Variants in ABCC1 observed in about 807,000 individuals in gnomAD.
ABCC1 encodes multidrug resistance-associated protein 1.
In ABCC1, 83 loss-of-function variants were observed where a neutral mutation model predicts 172.9. The ratio of observed to expected loss-of-function variants is 0.48; its 90% CI spans 0.40 to 0.58. ABCC1 has a LOEUF of 0.58. Among genes scored for constraint, ABCC1 ranks in the 20% least tolerant of loss-of-function variants. The pLI is 0.00. For missense variants in ABCC1, 1,817 were observed against 2,002.7 expected, an observed-to-expected ratio of 0.91 and a Z score of 1.77; for synonymous variants, 937 against 825.2, an observed-to-expected ratio of 1.14 and a Z score of -2.32.
chr16:16,017,333 C>G (rs1450932128), intron 5 of ABCC1, among the ~76,000 whole-genome samples: 1 of 152,086 alleles, frequency 6.6e-6, no homozygotes, highest in Admixed American at 6.6e-5. Context: ...TGGGCTCAAG[C>G]AATCTTCCTA....
chr16:16,091,026 G>A (rs1367279368), intron 19 of ABCC1, among the ~76,000 whole-genome samples: 1 of 152,088 alleles, frequency 6.6e-6, no homozygotes, highest in Admixed American at 6.6e-5. Flanking sequence ...TGGCAGGCTC[G>A]GGTTGGTGAC....
intron 15 of ABCC1, among the ~76,000 whole-genome samples, chr16:16,078,258 C>T (rs913850305): frequency 2.0e-5 from 3 of 152,174 alleles, no homozygotes; most frequent in Non-Finnish European, 2.9e-5. Flanking sequence ...ATGTGCCCTC[C>T]CTTCCCTGGG....
At chr16:16,008,317 G>A (rs924885025) in intron 2 of ABCC1, among the ~76,000 whole-genome samples, 2 of 151,630 alleles carry the variant, frequency 1.3e-5, no homozygotes, top group African/African-American at 2.4e-5. Context: ...TTACTGAGCC[G>A]ATCTCCTTTT....
rs58497068 is a variant in ABCC1 at position 16,080,102 on chromosome 16, C to T, written c.2115+624C>T. On this transcript the variant is annotated intron_variant, in intron 16 of 30. Transcript: ENST00000399410. ...TGCTGGGATTGCAGGTGTGAGCCAC[C>T]GCATTTGGCCACTTAAGAAATACTT... is the stretch of plus-strand genomic sequence containing the variant. Among the ~76,000 whole-genome samples the T allele has an allele frequency of 5.7e-3, 864 of 152,128 alleles. 10 individuals carry two copies. Among genetic ancestry groups the T allele is most frequent in the African/African-American group, 0.02 (838 of 41,502 alleles).
chr16:16,069,211 A>AATAAATAAATAT (rs1168834676), intron 13 of ABCC1, among the ~76,000 whole-genome samples: 3 of 127,542 alleles, frequency 2.4e-5, no homozygotes, highest in East Asian at 2.3e-4. Flanking sequence ...TAAATAAATA[A>AATAAATAAATAT]ATATGTTTGA....
chr16:15,955,228 C>T (rs990745422), intron 1 of ABCC1, among the ~76,000 whole-genome samples: 3 of 152,060 alleles, frequency 2.0e-5, no homozygotes, highest in Non-Finnish European at 4.4e-5. Context: ...TGGTGGTGGG[C>T]GCCTGTAATC....
At chr16:16,076,913 C>T (rs1405216615) in intron 15 of ABCC1, among the ~76,000 whole-genome samples, 5 of 152,170 alleles carry the variant, frequency 3.3e-5, no homozygotes, top group East Asian at 3.9e-4. Context: ...GTGAGGCAAT[C>T]GCTATGCCTT....
chr16:15,991,796 T>C (rs12924026), intron 1 of ABCC1, among the ~76,000 whole-genome samples: 16,806 of 152,168 alleles, frequency 0.11, 1,004 homozygotes, highest in Middle Eastern at 0.15. Flanking sequence ...CCTTGAACCA[T>C]GCTTCTCTGT....
At chr16:16,028,555 C>T (rs1408328729) in intron 5 of ABCC1, among the ~76,000 whole-genome samples, 2 of 152,226 alleles carry the variant, frequency 1.3e-5, no homozygotes, top group East Asian at 3.9e-4. Flanking sequence ...TGATAACCCA[C>T]CCGCCGACTG....
rs780214656 is a variant in ABCC1 at position 16,115,045 on chromosome 16, C to T, written c.3359C>T (p.Pro1120Leu). ...ACGCCCATCGCCGCCATCATCATCC[C>T]GCCCCTTGGCCTCATCTACTTCTTC... ...LATPIAAIII[P>L]PLGLIYFFVQ... is the part of the protein sequence containing the mutation. The change falls in exon 23 of 31, where the codon CCG becomes CTG. Residue 1120 changes from proline (P) to leucine (L), a missense_variant. Around this residue, in one of 3 missense-constraint regions of ABCC1, gnomAD observed 1,412 missense variants for 1,600.3 expected, o/e 0.88. Transcript: ENST00000399410. 12 of 1,614,192 alleles carry T rather than the reference C, an allele frequency of 7.4e-6. No homozygotes were observed. Among genetic ancestry groups the T allele is most frequent in the East Asian group, 4.5e-5 (2 of 44,882 alleles).
rs1467159951 is a variant in ABCC1, at chr16:16,142,049, G to C, written c.*768G>C. 6.6e-6 allele frequency: 1 copy of C among 152,384 alleles called. No homozygotes were observed. Among genetic ancestry groups the C allele is most frequent in the South Asian group, 2.1e-4 (1 of 4,822 alleles). The allele number at this position is 152,384 out of a possible 1,614,324, so 9.4% of individuals were successfully genotyped here. A position where few individuals can be genotyped will look rare whatever the true frequency, so the allele number is the denominator to read the frequency against. Reference sequence around the variant, plus strand: ...GCCAGGGGATTGTCTCAGGGCCGACGTTCCACCTGGGGCTTCCCTCCCCAC... The same window carrying C: ...GCCAGGGGATTGTCTCAGGGCCGACCTTCCACCTGGGGCTTCCCTCCCCAC... On this transcript the variant is annotated 3_prime_UTR_variant, in exon 31 of 31. Transcript: ENST00000399410.
At chr16:16,056,984 G>A (rs1328394241) in intron 12 of ABCC1, among the ~76,000 whole-genome samples, 1 of 152,052 alleles carries the variant, frequency 6.6e-6, no homozygotes, top group Admixed American at 6.6e-5. Context: ...TGGTCACAAA[G>A]TGTGGATTGT....
chr16:16,054,379 CCT>C (rs1052801824), intron 11 of ABCC1, among the ~76,000 whole-genome samples: 3 of 152,116 alleles, frequency 2.0e-5, no homozygotes, highest in African/African-American at 7.2e-5. Context: ...GCTTTGGGGA[CCT>C]CTCTGTGCTG....
At chr16:16,136,454 G>A (rs757395411) in intron 28 of ABCC1, 24 bp from the exon 29 acceptor site, 35 of 1,611,792 alleles carry the variant, frequency 2.2e-5, no homozygotes, top group East Asian at 4.5e-5. Flanking sequence ...GTCACATGCC[G>A]TCCACTCTCT....
At chr16:16,048,398 T>G in intron 10 of ABCC1, 95 bp downstream of exon 10, 1 of 1,413,376 alleles carries the variant, frequency 7.1e-7, no homozygotes, top group Non-Finnish European at 9.8e-7. Flanking sequence ...TAATGGCATG[T>G]AGAGCTCCCT....
At chr16:15,974,698 C>A (rs187772118) in intron 1 of ABCC1, among the ~76,000 whole-genome samples, 1 of 152,126 alleles carries the variant, frequency 6.6e-6, no homozygotes, top group African/African-American at 2.4e-5. Context: ...ATGGGCTAAT[C>A]GAGAGACACA....
intron 17 of ABCC1, among the ~76,000 whole-genome samples, chr16:16,085,680 T>C (rs1256886828): frequency 2.6e-5 from 4 of 152,176 alleles, no homozygotes; most frequent in Non-Finnish European, 2.9e-5. Context: ...CTTAGGGGGC[T>C]GAGGTGAGAG....
At chr16:16,090,933 C>T (rs530661726) in intron 19 of ABCC1, among the ~76,000 whole-genome samples, 17 of 152,122 alleles carry the variant, frequency 1.1e-4, no homozygotes, top group African/African-American at 3.9e-4. Context: ...TAATTAAAGT[C>T]CTGGCTCTCG....
At chr16:16,062,876 C>T (rs1443018924) in intron 12 of ABCC1, among the ~76,000 whole-genome samples, 1 of 152,154 alleles carries the variant, frequency 6.6e-6, no homozygotes, top group East Asian at 1.9e-4. Context: ...TTACCACGTC[C>T]ACCTAATGCA....
Sources: gnomAD v4.1 joint callset for allele counts (sites outside exome capture counted in the v4.1 genomes callset) on GRCh38, gnomAD v4.1.1 for gene constraint, gnomAD v4.1.1 regional missense constraint, MANE v1.5 for transcripts, NCBI Gene and HGNC (gene_info 2026-07-23, HGNC 2026-07-21) for gene names.